Variants in SH3BGRL observed in about 807,000 individuals in gnomAD.
The protein encoded by SH3BGRL is SH3 domain binding glutamate rich protein like.
SH3BGRL carries 7 observed loss-of-function variants against 9.8 expected under a neutral mutation model. The observed-to-expected ratio is 0.72, with a 90% CI of 0.41 to 1.35. The LOEUF (loss-of-function observed/expected upper bound fraction) is 1.35. Ranked by LOEUF, SH3BGRL falls within the 40% of genes most tolerant of loss-of-function variation. The pLI, the probability that SH3BGRL is intolerant of heterozygous loss-of-function variation, is 0.01. For missense variants in SH3BGRL, 73 were observed against 84.4 expected (o/e 0.86, Z 0.53); for synonymous variants, 36 against 29.1 (o/e 1.24, Z -0.76).
chrX:81,213,680 T>C (rs1253368011), intron 1 of SH3BGRL, among the ~76,000 whole-genome samples: 2 of 112,181 alleles, frequency 1.8e-5, no homozygotes, highest in Non-Finnish European at 3.8e-5. Flanking sequence ...TGTAGAATAG[T>C]ACTATTTCAA....
At chrX:81,262,061 A>G (rs771993613) in intron 1 of SH3BGRL, among the ~76,000 whole-genome samples, 5 of 111,275 alleles carry the variant, frequency 4.5e-5, no homozygotes, top group Admixed American at 9.6e-5. Context: ...ACTGATGTAT[A>G]TTACTTTTTA....
chrX:81,293,284 T>G (rs1397311933), intron 3 of SH3BGRL, among the ~76,000 whole-genome samples: 1 of 112,256 alleles, frequency 8.9e-6, no homozygotes, highest in African/African-American at 3.2e-5. Context: ...TTAAACATTT[T>G]TTTTTTCTTC....
At chrX:81,209,442 C>A (rs1480793511) in intron 1 of SH3BGRL, among the ~76,000 whole-genome samples, 1 of 111,400 alleles carries the variant, frequency 9.0e-6, no homozygotes, top group African/African-American at 3.3e-5. Flanking sequence ...ATAGTAATAA[C>A]TACTATTAGA....
At chrX:81,260,123 G>C (rs754266456) in intron 1 of SH3BGRL, among the ~76,000 whole-genome samples, 69 of 111,647 alleles carry the variant, frequency 6.2e-4, no homozygotes, top group African/African-American at 2.1e-3. Context: ...CCAAACTTTA[G>C]AATTAAGCAT....
chrX:81,276,293 G>A (rs1399374398), intron 1 of SH3BGRL, among the ~76,000 whole-genome samples: 2 of 108,690 alleles, frequency 1.8e-5, no homozygotes, highest in African/African-American at 6.6e-5. Flanking sequence ...TATTAGGTTG[G>A]TGCAAAGGTA....
chrX:81,228,052 G>A (rs1234494370), intron 1 of SH3BGRL, among the ~76,000 whole-genome samples: 1 of 111,752 alleles, frequency 8.9e-6, no homozygotes, highest in Non-Finnish European at 1.9e-5. Context: ...CATATGAATG[G>A]GTTTAAATAG....
chrX:81,231,744 T>C (rs2075633522), intron 1 of SH3BGRL, among the ~76,000 whole-genome samples: 1 of 112,305 alleles, frequency 8.9e-6, no homozygotes, highest in Non-Finnish European at 1.9e-5. Context: ...TCAGTCAGCT[T>C]ACTCAGATAG....
chrX:81,274,189 G>T (rs1349093094), intron 1 of SH3BGRL, among the ~76,000 whole-genome samples: 2 of 111,426 alleles, frequency 1.8e-5, no homozygotes, highest in Admixed American at 9.5e-5. Context: ...GCAATATATG[G>T]TTTTCAGTCT....
intron 1 of SH3BGRL, among the ~76,000 whole-genome samples, chrX:81,276,603 G>GA (rs1475546880): frequency 1.8e-5 from 2 of 111,116 alleles, no homozygotes; most frequent in Non-Finnish European, 3.8e-5. Context: ...GCATCATTTG[G>GA]AAAAAACTTT....
chrX:81,287,981 G>A (rs1445721770), intron 3 of SH3BGRL, among the ~76,000 whole-genome samples: 1 of 106,902 alleles, frequency 9.4e-6, no homozygotes, highest in Non-Finnish European at 1.9e-5. Context: ...AAGAAAGAAA[G>A]AGAAAGAAAG....
At chrX:81,235,141 T>C (rs2075644035) in intron 1 of SH3BGRL, among the ~76,000 whole-genome samples, 1 of 111,272 alleles carries the variant, frequency 9.0e-6, no homozygotes, top group Non-Finnish European at 1.9e-5. Flanking sequence ...TGTTATATGC[T>C]CCACACTGTG....
At chrX:81,236,855 T>TTG (rs772134045) in intron 1 of SH3BGRL, among the ~76,000 whole-genome samples, 1 of 107,529 alleles carries the variant, frequency 9.3e-6, no homozygotes, top group African/African-American at 3.4e-5. Flanking sequence ...GTAAGTTTTG[T>TTG]TGTGTGTGTG....
At chrX:81,284,793 C>CATAAATAA (rs757885139) in intron 3 of SH3BGRL, among the ~76,000 whole-genome samples, 1 of 109,950 alleles carries the variant, frequency 9.1e-6, no homozygotes, top group Non-Finnish European at 1.9e-5. Flanking sequence ...AGGCTAAGAT[C>CATAAATAA]ATAAATAAAT....
At chrX:81,260,008 A>G (rs1157162379) in intron 1 of SH3BGRL, among the ~76,000 whole-genome samples, 1 of 111,704 alleles carries the variant, frequency 9.0e-6, no homozygotes, top group East Asian at 2.8e-4. Context: ...TTATCACATA[A>G]TCTCAGACTG....
At chrX:81,240,575 A>G (rs989420242) in intron 1 of SH3BGRL, among the ~76,000 whole-genome samples, 1 of 112,402 alleles carries the variant, frequency 8.9e-6, no homozygotes, top group Non-Finnish European at 1.9e-5. Context: ...TCTCATTTTC[A>G]TGGATTGGAA....
chrX:81,274,848 C>G (rs923829749), intron 1 of SH3BGRL, among the ~76,000 whole-genome samples: 2 of 111,256 alleles, frequency 1.8e-5, no homozygotes, highest in Admixed American at 1.9e-4. Flanking sequence ...CAAAGCTGAA[C>G]AAAAGTTCAT....
At chrX:81,227,308 C>T (rs956098596) in intron 1 of SH3BGRL, among the ~76,000 whole-genome samples, 1 of 112,173 alleles carries the variant, frequency 8.9e-6, no homozygotes, top group African/African-American at 3.2e-5. Context: ...AGAAGATTTC[C>T]AGATCCATTG....
chrX:81,243,461 A>T (rs916544906), intron 1 of SH3BGRL, among the ~76,000 whole-genome samples: 1 of 111,728 alleles, frequency 9.0e-6, no homozygotes. Flanking sequence ...AATGAATAAG[A>T]CCTACTATTT....
chrX:81,231,968 A>G (rs1453014786), intron 1 of SH3BGRL, among the ~76,000 whole-genome samples: 11 of 111,294 alleles, frequency 9.9e-5, no homozygotes, highest in Non-Finnish European at 1.9e-4. Flanking sequence ...CTCTATATAT[A>G]TACACACACA....
Sources: allele counts gnomAD v4.1 joint callset (sites outside exome capture counted in the v4.1 genomes callset), GRCh38; gene constraint gnomAD v4.1.1; transcripts MANE v1.5; gene names NCBI Gene and HGNC (gene_info 2026-07-23, HGNC 2026-07-21).